The following SPON1 variants were observed in gnomAD, a reference collection of about 807,000 sequenced individuals.
The protein encoded by SPON1 is spondin-1.
SPON1 carries 52 observed loss-of-function variants against 111.7 expected under a neutral mutation model. The ratio of observed to expected loss-of-function variants is 0.47; its 90% CI spans 0.37 to 0.59. The LOEUF (loss-of-function observed/expected upper bound fraction) is 0.59. SPON1 is among the 20% of genes least tolerant of loss of function. SPON1 has a pLI of 0.00. For missense variants in SPON1, 957 were observed against 1,068.5 expected, an observed-to-expected ratio of 0.90 and a Z score of 1.46; for synonymous variants, 410 against 395.8, an observed-to-expected ratio of 1.04 and a Z score of -0.43.
intron 6 of SPON1, among the ~76,000 whole-genome samples, chr11:14,149,260 A>G (rs7130237): frequency 0.39 from 59,715 of 151,936 alleles, 11,995 homozygotes; most frequent in East Asian, 0.55. Context: ...AGGCTTAAGC[A>G]CATTTTTTAA....
chr11:14,055,480 T>C (rs1393223431), intron 3 of SPON1, among the ~76,000 whole-genome samples: 1 of 152,222 alleles, frequency 6.6e-6, no homozygotes, highest in Non-Finnish European at 1.5e-5. Flanking sequence ...GAAAGTATTA[T>C]TTGTAGATTA....
intron 2 of SPON1, among the ~76,000 whole-genome samples, chr11:14,018,279 T>C (rs149157579): frequency 2.6e-5 from 4 of 152,234 alleles, no homozygotes; most frequent in African/African-American, 9.6e-5. Context: ...CCTTAGTAGG[T>C]CCCAAATGGA....
intron 2 of SPON1, among the ~76,000 whole-genome samples, chr11:14,015,252 C>T (rs1848436411): frequency 6.6e-6 from 1 of 152,160 alleles, no homozygotes; most frequent in South Asian, 2.1e-4. Context: ...CTGAGAAGTA[C>T]AAGATCTAGG....
At chr11:14,075,530 G>T in intron 4 of SPON1, 112 bp downstream of exon 4, 1 of 746,004 alleles carries the variant, frequency 1.3e-6, no homozygotes, top group South Asian at 1.6e-5. Flanking sequence ...AGTTCCTCTG[G>T]GTTCTGCTTC....
intron 6 of SPON1, among the ~76,000 whole-genome samples, chr11:14,184,843 C>G (rs1226927633): frequency 6.6e-6 from 1 of 152,204 alleles, no homozygotes. Flanking sequence ...TCCCTGAAAG[C>G]TCTGGTGAGT....
intron 5 of SPON1, among the ~76,000 whole-genome samples, chr11:14,083,744 A>C (rs1848982510): frequency 6.6e-6 from 1 of 152,258 alleles, no homozygotes; most frequent in Admixed American, 6.5e-5. Flanking sequence ...AATAATGAAC[A>C]CAAGTTTTCT....
At chr11:14,024,034 T>C (rs73420277) in intron 2 of SPON1, among the ~76,000 whole-genome samples, 219 of 151,358 alleles carry the variant, frequency 1.4e-3, no homozygotes, top group South Asian at 5.4e-3. Context: ...AAGGAGCAAT[T>C]TGGGGACCTT....
intron 7 of SPON1, among the ~76,000 whole-genome samples, chr11:14,246,271 C>T (rs554133417): frequency 4.6e-5 from 7 of 152,286 alleles, no homozygotes; most frequent in Admixed American, 2.0e-4. Flanking sequence ...TCCTTTTTAC[C>T]TTCAGCATCC....
intron 15 of SPON1, 164 bp downstream of exon 15, chr11:14,263,139 G>C (rs782338498): frequency 3.5e-5 from 25 of 710,960 alleles, no homozygotes; most frequent in Non-Finnish European, 5.6e-5. Context: ...ATCCAAGTTT[G>C]TTCCCAAATA....
chr11:14,131,393 A>G (rs113646370), intron 5 of SPON1, among the ~76,000 whole-genome samples: 3,303 of 152,198 alleles, frequency 0.022, 122 homozygotes, highest in African/African-American at 0.075. Context: ...CACCTATTAG[A>G]TGTTTGAGCC....
chr11:14,237,765 C>T (rs908879827), intron 6 of SPON1, among the ~76,000 whole-genome samples: 1 of 152,240 alleles, frequency 6.6e-6, no homozygotes, highest in African/African-American at 2.4e-5. Context: ...GTCGTCAGAA[C>T]AGCAGTAACT....
intron 2 of SPON1, among the ~76,000 whole-genome samples, chr11:14,007,699 G>A (rs752418667): frequency 7.9e-5 from 12 of 152,176 alleles, no homozygotes; most frequent in Non-Finnish European, 1.6e-4. Context: ...TGAAGCTCAG[G>A]CGGTAATGCT....
chr11:14,248,409 T>A (rs868907853), intron 7 of SPON1, among the ~76,000 whole-genome samples: 1 of 152,036 alleles, frequency 6.6e-6, no homozygotes, highest in Non-Finnish European at 1.5e-5. Flanking sequence ...TCTGAAAAAC[T>A]GAAATGAATA....
chr11:14,186,546 C>T (rs968142860), intron 6 of SPON1, among the ~76,000 whole-genome samples: 4 of 152,152 alleles, frequency 2.6e-5, no homozygotes, highest in Non-Finnish European at 5.9e-5. Flanking sequence ...TGACTCTGTA[C>T]CTTTAACCAT....
intron 2 of SPON1, among the ~76,000 whole-genome samples, chr11:14,017,472 T>C (rs1848451895): frequency 6.6e-6 from 1 of 152,242 alleles, no homozygotes; most frequent in Non-Finnish European, 1.5e-5. Flanking sequence ...TGGACTGACT[T>C]TTTTGCAAAA....
At chr11:14,105,832 A>G (rs145270170) in intron 5 of SPON1, among the ~76,000 whole-genome samples, 1 of 152,324 alleles carries the variant, frequency 6.6e-6, no homozygotes. Flanking sequence ...TTTCTTGAGC[A>G]CATCATGTCC....
chr11:14,254,756 G>A lies in SPON1; in HGVS notation c.1092+27G>A, dbSNP rs368723175. 856 of 1,607,432 alleles carry A rather than the reference G, an allele frequency of 5.3e-4. 9 individuals are homozygous for A. In the South Asian group the frequency reaches 8.7e-3, roughly 16 times the overall value. On this transcript the variant is annotated intron_variant, in intron 8 of 15. Transcript: ENST00000576479. ...TGTGTGTGTGTGCCTGGAGTGGTGA[G>A]TGGCTCCTTGCCTACCCGCTTCCTG...
chr11:13,999,426 T>G (rs1848298916), intron 2 of SPON1, among the ~76,000 whole-genome samples: 1 of 126,440 alleles, frequency 7.9e-6, no homozygotes, highest in Non-Finnish European at 1.9e-5. Context: ...TTTTCTTTCT[T>G]TTTTTTTTTT....
chr11:14,064,889 G>A (rs1174671041), intron 3 of SPON1, among the ~76,000 whole-genome samples: 1 of 152,094 alleles, frequency 6.6e-6, no homozygotes, highest in Non-Finnish European at 1.5e-5. Context: ...AGTCAGGTGG[G>A]TACTAGCAGG....
Sources: allele counts gnomAD v4.1 joint callset (sites outside exome capture counted in the v4.1 genomes callset), GRCh38; gene constraint gnomAD v4.1.1; transcripts MANE v1.5; gene names NCBI Gene and HGNC (gene_info 2026-07-23, HGNC 2026-07-21).